Variants in ZFYVE28 observed in about 807,000 individuals in gnomAD.
ZFYVE28 encodes zinc finger FYVE-type containing 28, also known as lateral signaling target protein 2 homolog.
Under a neutral mutation model 82.1 loss-of-function variants are expected in ZFYVE28, and 40 were observed. The ratio of observed to expected loss-of-function variants is 0.49; its 90% confidence interval spans 0.38 to 0.63. The LOEUF is 0.63. ZFYVE28 is among the 30% of genes least tolerant of loss of function. ZFYVE28 has a pLI of 0.00. For missense variants in ZFYVE28, 1,321 were observed against 1,242.1 expected (o/e 1.06, Z -0.96); for synonymous variants, 612 against 546.1 (o/e 1.12, Z -1.68).
chr4:2,350,344 G>A (rs1724205468), intron 2 of ZFYVE28, among the ~76,000 whole-genome samples: 1 of 151,896 alleles, frequency 6.6e-6, no homozygotes, highest in Non-Finnish European at 1.5e-5. Flanking sequence ...GGCGCCTGTA[G>A]TCCCAGCTAC....
intron 8 of ZFYVE28, among the ~76,000 whole-genome samples, chr4:2,278,079 C>T (rs1371780793): frequency 6.6e-6 from 1 of 152,194 alleles, no homozygotes; most frequent in Non-Finnish European, 1.5e-5. Context: ...AAAGAATAGT[C>T]TTTTCAACAA....
intron 7 of ZFYVE28, among the ~76,000 whole-genome samples, chr4:2,309,724 G>A (rs1717209737): frequency 6.6e-6 from 1 of 152,242 alleles, no homozygotes; most frequent in South Asian, 2.1e-4. Flanking sequence ...TCTCAGGGAA[G>A]TGTGCTGCAG....
At chr4:2,391,227 C>T (rs1034469785) in intron 1 of ZFYVE28, among the ~76,000 whole-genome samples, 7 of 152,274 alleles carry the variant, frequency 4.6e-5, no homozygotes, top group African/African-American at 7.2e-5. Context: ...TTTACAATTC[C>T]GCATCGTCCC....
chr4:2,332,498 T>A lies in ZFYVE28; in HGVS notation c.701+3207A>T, dbSNP rs1038898778. 9.3e-4 allele frequency among the ~76,000 whole-genome samples: 141 copies of A among 151,938 alleles called. 2 individuals are homozygous for A. Among genetic ancestry groups the A allele is most frequent in the Admixed American group, 2.0e-4 (3 of 15,256 alleles). On this transcript the variant is annotated intron_variant, in intron 6 of 12. Transcript: ENST00000290974. This position sits in a 1 kb window ranked among gnomAD's most constrained non-coding sequence, Gnocchi z 4.7. ...CACCCCATGGGGTCCCTGCACTGAG[T>A]CCCCCTTCCAGCATCCAGAACATTC...
chr4:2,375,572 G>A (rs1034050524), intron 1 of ZFYVE28, among the ~76,000 whole-genome samples: 4 of 152,198 alleles, frequency 2.6e-5, no homozygotes, highest in African/African-American at 7.2e-5. Context: ...GCTAAAGGAC[G>A]GTGTGAGGAG....
intron 6 of ZFYVE28, among the ~76,000 whole-genome samples, chr4:2,325,592 CTTTTTTTT>C (rs58460729): frequency 5.7e-5 from 7 of 122,202 alleles, no homozygotes; most frequent in African/African-American, 1.9e-4. Context: ...TTAAATCTTA[CTTTTTTTT>C]TTTTTTTTTT....
intron 7 of ZFYVE28, among the ~76,000 whole-genome samples, chr4:2,319,338 C>A (rs1368532585): frequency 2.0e-5 from 3 of 152,198 alleles, no homozygotes; most frequent in African/African-American, 7.2e-5. Context: ...TGCCCCTGAA[C>A]CCACTGACGC....
chr4:2,335,877 C>A lies in ZFYVE28; in HGVS notation c.612-83G>T. ...TGGACCCCAGCAGGGACAGGCAGTG[C>A]GCTCAATCTGTACCTGCAGCCACGC... On this transcript the variant is annotated intron_variant, in intron 5 of 12. Coordinates refer to ENST00000290974, the MANE Select transcript of ZFYVE28 (RefSeq NM_020972.3). This position sits in a 1 kb window ranked among gnomAD's most constrained non-coding sequence, Gnocchi z 5.8. 8.3e-7 allele frequency: 1 copy of A among 1,204,614 alleles called. No homozygotes were observed. The highest frequency in any genetic ancestry group is 1.3e-5 in the South Asian group (1 of 76,684). 74.6% of individuals were successfully genotyped at this position (1,204,614 alleles called of 1,614,324 possible). A position where few individuals can be genotyped will look rare whatever the true frequency, so the allele number is the denominator to read the frequency against.
intron 8 of ZFYVE28, among the ~76,000 whole-genome samples, chr4:2,298,488 C>G (rs1037283176): frequency 2.0e-5 from 3 of 152,222 alleles, no homozygotes; most frequent in Non-Finnish European, 4.4e-5. Flanking sequence ...CCCTCAGTGT[C>G]TGTCATCTGT....
intron 7 of ZFYVE28, among the ~76,000 whole-genome samples, chr4:2,315,404 G>C (rs1188006956): frequency 6.6e-6 from 1 of 152,110 alleles, no homozygotes; most frequent in East Asian, 1.9e-4. Context: ...TCGTGTCTCA[G>C]CTGGGATTAC....
chr4:2,271,480 A>G, intron 11 of ZFYVE28, 66 bp from the exon 12 acceptor site: 1 of 1,547,026 alleles, frequency 6.5e-7, no homozygotes, highest in Non-Finnish European at 8.9e-7. Context: ...CGGGACCCTC[A>G]ACCTACCCTG....
chr4:2,334,867 C>G (rs1426643012), intron 6 of ZFYVE28, among the ~76,000 whole-genome samples: 1 of 106,618 alleles, frequency 9.4e-6, no homozygotes, highest in Non-Finnish European at 2.0e-5. Flanking sequence ...TCCGCCTCCC[C>G]CCCAGCTGCA....
In ZFYVE28 at chr4:2,416,144, C is replaced by A. The variant is rs1487561997; in HGVS notation, c.39+2141G>T. Among the ~76,000 whole-genome samples the A allele has an allele frequency of 6.6e-6, 1 of 152,246 alleles. No individual in the cohort carries two copies. ...GCCCGCCGCCTGCCTGGAAAGGCAGCTGCCTGCTGAAGAGGAAAAGTTGGG... is the reference window on the plus strand; with the variant it reads ...GCCCGCCGCCTGCCTGGAAAGGCAGATGCCTGCTGAAGAGGAAAAGTTGGG... On this transcript the variant is annotated intron_variant, in intron 1 of 12. Transcript: ENST00000290974. The surrounding 1 kb of genome is among the most constrained non-coding windows in gnomAD (Gnocchi z 4.6).
intron 7 of ZFYVE28, chr4:2,307,038 T>G (rs1336151189): frequency 6.6e-6 from 1 of 152,330 alleles, no homozygotes; most frequent in Non-Finnish European, 1.5e-5. Flanking sequence ...ACAGCTTGGC[T>G]GACAGCATGG....
chr4:2,279,589 C>G (rs540211215), intron 8 of ZFYVE28, among the ~76,000 whole-genome samples: 14 of 152,188 alleles, frequency 9.2e-5, no homozygotes, highest in African/African-American at 2.4e-4. Context: ...ACCATCCTGG[C>G]TAACACGATG....
chr4:2,337,525 G>A (rs979647897), intron 4 of ZFYVE28, 29 bp from the exon 5 acceptor site: 28 of 1,566,406 alleles, frequency 1.8e-5, no homozygotes, highest in African/African-American at 6.8e-5. Context: ...CTGTGAGGCC[G>A]CACCTGGGCT....
rs1257141840 is a variant in ZFYVE28, at chr4:2,300,380, T to C, written c.2051+3909A>G. Among the ~76,000 whole-genome samples the C allele has an allele frequency of 6.6e-6, 1 of 152,192 alleles. No homozygotes were observed. The highest frequency in any genetic ancestry group is 1.5e-5 in the Non-Finnish European group (1 of 68,026). Reference sequence around the variant, plus strand: ...ATGTCAACTTCTCCAAAAGGATTCATTGACCACTGAGAAGGTCGGAAAGAA... The same window carrying C: ...ATGTCAACTTCTCCAAAAGGATTCACTGACCACTGAGAAGGTCGGAAAGAA... On this transcript the variant is annotated intron_variant, in intron 8 of 12. Transcript: ENST00000290974. The surrounding 1 kb of genome is among the most constrained non-coding windows in gnomAD (Gnocchi z 4.6).
intron 10 of ZFYVE28, 130 bp from the exon 11 acceptor site, chr4:2,271,909 C>T (rs1321237935): frequency 1.3e-6 from 1 of 792,246 alleles, no homozygotes. Context: ...CTGGCAGTCT[C>T]ATGGCAGGTG....
intron 6 of ZFYVE28, chr4:2,330,412 C>A (rs1720482319): frequency 6.7e-6 from 7 of 1,040,226 alleles, no homozygotes; most frequent in Non-Finnish European, 8.1e-6. Flanking sequence ...GAGGAGAGGA[C>A]AGCACGGAAG....
Sources: allele counts gnomAD v4.1 joint callset (sites outside exome capture counted in the v4.1 genomes callset), GRCh38; gene constraint gnomAD v4.1.1; non-coding constraint Gnocchi (gnomAD v3.1); transcripts MANE v1.5; gene names NCBI Gene and HGNC (gene_info 2026-07-23, HGNC 2026-07-21).